The following FAM3D variants were observed in gnomAD, a reference collection of about 807,000 sequenced individuals.
FAM3D encodes the protein FAM3 metabolism regulating signaling molecule D, also known as protein FAM3D.
In FAM3D, 26 loss-of-function variants were observed where a neutral mutation model predicts 29.8. That is an observed-to-expected ratio of 0.87 (90% CI 0.64 to 1.21). The LOEUF is 1.21. FAM3D is among the 50% of genes most tolerant of loss of function. FAM3D has a pLI of 0.00. For missense variants in FAM3D, 253 were observed against 290.9 expected, an observed-to-expected ratio of 0.87 and a Z score of 0.95; for synonymous variants, 115 against 102.3, an observed-to-expected ratio of 1.12 and a Z score of -0.75.
chr3:58,642,599 A>G (rs2066364831), intron 6 of FAM3D, among the ~76,000 whole-genome samples: 1 of 151,974 alleles, frequency 6.6e-6, no homozygotes, highest in South Asian at 2.1e-4. Context: ...TCCTTACCTG[A>G]CCCTGTAAGT....
At chr3:58,665,600 A>C (rs1232114495) in intron 1 of FAM3D, among the ~76,000 whole-genome samples, 1 of 152,154 alleles carries the variant, frequency 6.6e-6, no homozygotes, top group East Asian at 1.9e-4. Context: ...ATCTAGAAGG[A>C]CACTCTTGTA....
At chr3:58,651,580 C>A (rs1421585172) in intron 3 of FAM3D, among the ~76,000 whole-genome samples, 1 of 152,190 alleles carries the variant, frequency 6.6e-6, no homozygotes, top group African/African-American at 2.4e-5. Flanking sequence ...ACACAGAGTT[C>A]AAAACCCAGC....
At chr3:58,654,159 G>A (rs181198098) in intron 2 of FAM3D, among the ~76,000 whole-genome samples, 1 of 152,366 alleles carries the variant, frequency 6.6e-6, no homozygotes, top group East Asian at 1.9e-4. Context: ...AGGACTCTGG[G>A]AGGGGAGCCC....
chr3:58,665,222 A>T (rs1575497291), intron 1 of FAM3D, among the ~76,000 whole-genome samples: 1 of 151,878 alleles, frequency 6.6e-6, no homozygotes, highest in African/African-American at 2.4e-5. Flanking sequence ...GCAATGGCAA[A>T]CTCCTCCCTA....
At chr3:58,664,625 A>G (rs1343579726) in intron 1 of FAM3D, among the ~76,000 whole-genome samples, 1 of 152,258 alleles carries the variant, frequency 6.6e-6, no homozygotes, top group Non-Finnish European at 1.5e-5. Flanking sequence ...AGGGTCAGAC[A>G]AGCCAATAAG....
intron 1 of FAM3D, among the ~76,000 whole-genome samples, chr3:58,661,283 C>G (rs1319688325): frequency 1.3e-5 from 2 of 152,174 alleles, no homozygotes; most frequent in Non-Finnish European, 1.5e-5. Flanking sequence ...TTGGCTCAGC[C>G]AAGGTGAGGG....
rs1559500359 is a variant in FAM3D, at chr3:58,645,677, G to T, written c.146-51C>A. The T allele has an allele frequency of 2.0e-6, 3 of 1,515,958 alleles. No individual in the cohort carries two copies. In the South Asian group the frequency reaches 3.4e-5, roughly 17 times the overall value. 93.9% of individuals were successfully genotyped at this position (1,515,958 alleles called of 1,614,324 possible). The stretch of plus-strand genomic sequence containing the variant: ...GTGGGCAGAAGCTCAGGAGGTACTT[G>T]GGGGAGAAGGAGGGGAGGGCCAGGG... On this transcript the variant is annotated intron_variant, in intron 4 of 9. Coordinates refer to ENST00000358781, the MANE Select transcript of FAM3D (RefSeq NM_138805.3).
intron 1 of FAM3D, among the ~76,000 whole-genome samples, chr3:58,665,036 T>G (rs150731290): frequency 4.8e-4 from 73 of 152,292 alleles, no homozygotes; most frequent in African/African-American, 1.7e-3. Context: ...ATGAGGAAGT[T>G]AGGCCCCTGG....
chr3:58,637,103 A>C (rs1172392076), intron 8 of FAM3D, 38 bp downstream of exon 8: 2 of 1,576,070 alleles, frequency 1.3e-6, no homozygotes, highest in East Asian at 2.2e-5. Context: ...TTCAGTTTGC[A>C]TCACTGTGTG....
At position 58,635,982 on chromosome 3, in the gene FAM3D, T is replaced by C. The variant is rs1249297201; in HGVS notation, c.585+312A>G. Reference sequence around the variant, plus strand: ...CCCTTCCCCGCCACACAGCTCCATGTCTCCATTTCTTTCTCGTTCCTTCAT... The same window carrying C: ...CCCTTCCCCGCCACACAGCTCCATGCCTCCATTTCTTTCTCGTTCCTTCAT... On this transcript the variant is annotated intron_variant, in intron 9 of 9. Coordinates refer to ENST00000358781, the MANE Select transcript of FAM3D (RefSeq NM_138805.3). This position sits in a 1 kb window ranked among gnomAD's most constrained non-coding sequence, Gnocchi z 5.2. Among the ~76,000 whole-genome samples, 3 of 152,354 alleles carry C rather than the reference T, an allele frequency of 2.0e-5. No individual in the cohort carries two copies. The highest frequency in any genetic ancestry group is 3.9e-4 in the East Asian group (2 of 5,178).
intron 4 of FAM3D, among the ~76,000 whole-genome samples, chr3:58,648,766 C>T (rs1469531611): frequency 1.3e-5 from 2 of 152,196 alleles, no homozygotes; most frequent in African/African-American, 4.8e-5. Flanking sequence ...CTCCCTGAGG[C>T]CTTGCAGGGG....
At chr3:58,644,748 A>G (rs990140572) in intron 5 of FAM3D, among the ~76,000 whole-genome samples, 1 of 152,080 alleles carries the variant, frequency 6.6e-6, no homozygotes. Context: ...CTCTTTAACC[A>G]CATGGAGAAA....
At chr3:58,636,992 G>T (rs1319326757) in intron 8 of FAM3D, 149 bp downstream of exon 8, 2 of 689,730 alleles carry the variant, frequency 2.9e-6, no homozygotes, top group African/African-American at 3.6e-5. Flanking sequence ...GAACCTCCTA[G>T]AACATTTCTT....
intron 4 of FAM3D, among the ~76,000 whole-genome samples, chr3:58,646,889 G>T (rs1559501133): frequency 6.6e-6 from 1 of 152,214 alleles, no homozygotes; most frequent in Non-Finnish European, 1.5e-5. Flanking sequence ...TTTGGGCCAG[G>T]CTACACCTGA....
At chr3:58,650,076 G>A (rs774810870) in intron 3 of FAM3D, among the ~76,000 whole-genome samples, 3 of 152,240 alleles carry the variant, frequency 2.0e-5, no homozygotes, top group Admixed American at 6.5e-5. Flanking sequence ...GCCACTTCCT[G>A]AAATCTTATA....
chr3:58,636,184 A>G, intron 9 of FAM3D, 110 bp downstream of exon 9: 1 of 1,485,036 alleles, frequency 6.7e-7, no homozygotes. Flanking sequence ...CTCTCCCCAG[A>G]CAATCCTCCC....
rs370967353 is a variant in FAM3D at position 58,640,197 on chromosome 3, C to T, written c.323-20G>A. 38 of 1,613,686 alleles carry T rather than the reference C, an allele frequency of 2.4e-5. No homozygotes were observed. Among genetic ancestry groups the T allele is most frequent in the African/African-American group, 2.1e-4 (16 of 74,922 alleles). ...TGGTTCCTAGGGGTTAAGAGGAGAACGATTATCCCCTGTAACACGTGTCAT... is the reference window on the plus strand; with the variant it reads ...TGGTTCCTAGGGGTTAAGAGGAGAATGATTATCCCCTGTAACACGTGTCAT... On this transcript the variant is annotated intron_variant, in intron 6 of 9. Coordinates refer to ENST00000358781, the MANE Select transcript of FAM3D (RefSeq NM_138805.3).
Position 58,637,008 on chromosome 3 carries a change from A to T in FAM3D, c.458+133T>A, listed in dbSNP as rs554155154. Reference sequence around the variant, plus strand: ...AACCTCCTAGAACATTTCTTTGCATACTTGTCTGATAATTTCCTCGAGATA... The same window carrying T: ...AACCTCCTAGAACATTTCTTTGCATTCTTGTCTGATAATTTCCTCGAGATA... On this transcript the variant is annotated intron_variant, in intron 8 of 9. Transcript: ENST00000358781. The T allele has an allele frequency of 6.8e-6, 5 of 739,160 alleles. No individual in the cohort carries two copies. The African/African-American group carries it at 8.8e-5, about 13-fold the overall frequency. The allele number at this position is 739,160 out of a possible 1,614,324, so 45.8% of individuals were successfully genotyped here. A position where few individuals can be genotyped will look rare whatever the true frequency, so the allele number is the denominator to read the frequency against.
chr3:58,664,981 T>C (rs2067002906), intron 1 of FAM3D, among the ~76,000 whole-genome samples: 1 of 152,160 alleles, frequency 6.6e-6, no homozygotes, highest in Non-Finnish European at 1.5e-5. Flanking sequence ...CAGGAAATGT[T>C]GGCAAATGAT....
Sources: allele counts gnomAD v4.1 joint callset (sites outside exome capture counted in the v4.1 genomes callset), GRCh38; gene constraint gnomAD v4.1.1; non-coding constraint Gnocchi (gnomAD v3.1); transcripts MANE v1.5; gene names NCBI Gene and HGNC (gene_info 2026-07-23, HGNC 2026-07-21).